Variants in COL14A1 observed in about 807,000 individuals in gnomAD.
COL14A1 encodes collagen type XIV alpha 1 chain.
A neutral mutation model predicts 230.3 loss-of-function variants in COL14A1; 136 were observed. That is an observed-to-expected ratio of 0.59 (90% CI 0.51 to 0.68). COL14A1 has a LOEUF of 0.68. Among genes scored for constraint, COL14A1 ranks in the 30% least tolerant of loss-of-function variants. COL14A1 has a pLI of 0.00. For missense variants in COL14A1, 1,976 were observed against 2,215.8 expected, an observed-to-expected ratio of 0.89 and a Z score of 2.17; for synonymous variants, 792 against 784.1, an observed-to-expected ratio of 1.01 and a Z score of -0.17.
chr8:120,195,130 G>C (rs1816985913), intron 5 of COL14A1, among the ~76,000 whole-genome samples: 1 of 152,080 alleles, frequency 6.6e-6, no homozygotes, highest in East Asian at 1.9e-4. Context: ...AAAGCATCTA[G>C]GTATCCCATG....
At chr8:120,289,544 T>C in intron 33 of COL14A1, 64 bp from the exon 34 acceptor site, 1 of 1,372,072 alleles carries the variant, frequency 7.3e-7, no homozygotes, top group Non-Finnish European at 1.0e-6. Flanking sequence ...ATCATACAAT[T>C]ATACAAATTT....
Position 120,371,131 on chromosome 8 carries a change from AC to A in COL14A1, c.5312-16del. ...TGATTCCTGGGTGCAGCAAGTCCCC[AC>A]CCCCACTTTTCCTCTTTAGCTCCCC... On this transcript the variant is annotated intron_variant, in intron 47 of 47. Coordinates refer to ENST00000297848, the MANE Select transcript of COL14A1 (RefSeq NM_021110.4). 1 of 1,582,028 alleles carries A rather than the reference AC, an allele frequency of 6.3e-7. No individual in the cohort carries two copies.
At chr8:120,328,093 G>T (rs192009287) in intron 40 of COL14A1, among the ~76,000 whole-genome samples, 2 of 152,148 alleles carry the variant, frequency 1.3e-5, no homozygotes, top group African/African-American at 2.4e-5. Context: ...TGTCAGTAAT[G>T]TGTTAAGAAA....
At chr8:120,189,577 G>A (rs1468136575) in intron 5 of COL14A1, among the ~76,000 whole-genome samples, 2 of 151,328 alleles carry the variant, frequency 1.3e-5, no homozygotes, top group Non-Finnish European at 2.9e-5. Context: ...CTGCTGTGCT[G>A]CACCCATTAA....
intron 40 of COL14A1, among the ~76,000 whole-genome samples, chr8:120,321,626 G>C (rs1367326703): frequency 7.3e-6 from 1 of 137,404 alleles, no homozygotes; most frequent in Non-Finnish European, 1.5e-5. Context: ...CTGGGCGACA[G>C]AACAAGACTT....
chr8:120,348,014 A>G (rs1411239986), intron 45 of COL14A1, among the ~76,000 whole-genome samples: 1 of 152,134 alleles, frequency 6.6e-6, no homozygotes, highest in Non-Finnish European at 1.5e-5. Context: ...CTTCCTAAAA[A>G]AATTCACTAC....
intron 46 of COL14A1, among the ~76,000 whole-genome samples, chr8:120,368,738 C>T (rs979033836): frequency 8.6e-5 from 13 of 152,032 alleles, no homozygotes; most frequent in Admixed American, 1.3e-4. Context: ...TATATTGGGT[C>T]GAATGTCAAA....
chr8:120,298,597 T>TTTTTTATA (rs576663862), intron 35 of COL14A1, among the ~76,000 whole-genome samples: 7 of 57,998 alleles, frequency 1.2e-4, no homozygotes, highest in Non-Finnish European at 1.8e-4. Context: ...CCCATATATT[T>TTTTTTATA]TATATATATA....
intron 4 of COL14A1, among the ~76,000 whole-genome samples, chr8:120,163,741 C>G (rs1318859935): frequency 2.6e-5 from 4 of 151,914 alleles, no homozygotes; most frequent in African/African-American, 9.7e-5. Context: ...CCAGCCTGGG[C>G]AACAAGAGCA....
chr8:120,135,533 G>A (rs1814680520), intron 1 of COL14A1, among the ~76,000 whole-genome samples: 1 of 152,060 alleles, frequency 6.6e-6, no homozygotes. Flanking sequence ...CCAAAGTGCT[G>A]GATTACAGGT....
chr8:120,241,236 G>T (rs906617712), intron 19 of COL14A1, among the ~76,000 whole-genome samples: 1 of 152,106 alleles, frequency 6.6e-6, no homozygotes, highest in Non-Finnish European at 1.5e-5. Context: ...TGGTTTTATC[G>T]TATTTTACAA....
At chr8:120,266,913 T>C in intron 25 of COL14A1, 30 bp downstream of exon 25, 1 of 1,571,864 alleles carries the variant, frequency 6.4e-7, no homozygotes, top group Non-Finnish European at 8.8e-7. Flanking sequence ...ATTATCTGAT[T>C]CTAGGTTTAG....
rs962510256 is a variant in COL14A1 at position 120,224,023 on chromosome 8, C to CTTTTTTTTTTTTTTTTT, written c.1738-1060_1738-1044dup. Among the ~76,000 whole-genome samples the CTTTTTTTTTTTTTTTTT allele has an allele frequency of 8.9e-5, 7 of 78,282 alleles. 1 individual carries two copies. Among genetic ancestry groups the CTTTTTTTTTTTTTTTTT allele is most frequent in the East Asian group, 5.3e-4 (1 of 1,884 alleles). The allele number at this position is 78,282 out of a possible 152,430, so 51.4% of individuals were successfully genotyped here. A position where few individuals can be genotyped will look rare whatever the true frequency, so the allele number is the denominator to read the frequency against. ...GCCTTCTAGACCCTGCCCTCATCTC[C>CTTTTTTTTTTTTTTTTT]TTTTTTTTTTTTTTTTTTTTTGAGA... On this transcript the variant is annotated intron_variant, in intron 14 of 47. Coordinates refer to ENST00000297848, the MANE Select transcript of COL14A1 (RefSeq NM_021110.4).
At chr8:120,297,736 T>A (rs903154229) in intron 35 of COL14A1, 148 bp downstream of exon 35, 2 of 433,028 alleles carry the variant, frequency 4.6e-6, no homozygotes. Context: ...TGTCTGAAAT[T>A]AACAAGATTT....
At chr8:120,249,083 C>A (rs1370446329) in intron 21 of COL14A1, among the ~76,000 whole-genome samples, 1 of 138,694 alleles carries the variant, frequency 7.2e-6, no homozygotes, top group Non-Finnish European at 1.5e-5. Context: ...CCCGCCACCA[C>A]GCCCGGCTAA....
chr8:120,229,183 C>T (rs1447994064), intron 18 of COL14A1, among the ~76,000 whole-genome samples: 3 of 150,144 alleles, frequency 2.0e-5, no homozygotes, highest in Non-Finnish European at 4.4e-5. Context: ...CATATGTATA[C>T]ATGTGCCATG....
chr8:120,297,487 G>A, intron 34 of COL14A1, 24 bp from the exon 35 acceptor site: 1 of 1,294,416 alleles, frequency 7.7e-7, no homozygotes, highest in East Asian at 2.7e-5. Flanking sequence ...TTTATTGAAT[G>A]ACAATTTTCT....
At chr8:120,230,732 A>C (rs924489163) in intron 18 of COL14A1, among the ~76,000 whole-genome samples, 11 of 152,220 alleles carry the variant, frequency 7.2e-5, no homozygotes, top group African/African-American at 2.7e-4. Flanking sequence ...AGTCTGACAC[A>C]CAGAAAAAGT....
chr8:120,179,492 G>A (rs567078447), intron 5 of COL14A1, among the ~76,000 whole-genome samples: 2 of 152,228 alleles, frequency 1.3e-5, no homozygotes, highest in African/African-American at 4.8e-5. Context: ...GGGATGTGAA[G>A]GATCTCTTCA....
Sources: gnomAD v4.1 joint callset for allele counts (sites outside exome capture counted in the v4.1 genomes callset) on GRCh38, gnomAD v4.1.1 for gene constraint, MANE v1.5 for transcripts, NCBI Gene and HGNC (gene_info 2026-07-23, HGNC 2026-07-21) for gene names.